Variants in PRKX observed in about 807,000 individuals in gnomAD.
The protein encoded by PRKX is protein kinase cAMP-dependent X-linked catalytic subunit, also known as cAMP-dependent protein kinase catalytic subunit PRKX.
Under a neutral mutation model 22.0 loss-of-function variants are expected in PRKX, and 12 were observed. The observed-to-expected ratio is 0.54, with a 90% CI of 0.35 to 0.88. The LOEUF (loss-of-function observed/expected upper bound fraction) is 0.88, where lower values mean the gene tolerates loss of function less well. Ranked by LOEUF, PRKX falls within the 40% of genes least tolerant of loss-of-function variation. PRKX has a pLI of 0.01. For synonymous variants in PRKX, 134 were observed against 137.7 expected (o/e 0.97, Z 0.19); for missense variants, 217 against 308.0 (o/e 0.70, Z 2.21).
intron 1 of PRKX, among the ~76,000 whole-genome samples, chrX:3,687,685 T>A (rs1194942597): frequency 2.8e-5 from 3 of 108,060 alleles, no homozygotes; most frequent in Non-Finnish European, 5.8e-5. Flanking sequence ...TCCCAGGGGC[T>A]AAAAAAAAAC....
At chrX:3,692,143 G>C (rs184747659) in intron 1 of PRKX, among the ~76,000 whole-genome samples, 1 of 107,777 alleles carries the variant, frequency 9.3e-6, no homozygotes, top group African/African-American at 3.4e-5. Flanking sequence ...GAGAGAGAGA[G>C]AGACAGAAAG....
intron 5 of PRKX, among the ~76,000 whole-genome samples, chrX:3,624,349 A>G (rs1926618494): frequency 9.0e-6 from 1 of 111,213 alleles, no homozygotes; most frequent in South Asian, 3.8e-4. Flanking sequence ...CTGGGTATGT[A>G]AAGAAACAGG....
At chrX:3,677,535 G>T (rs1273115000) in intron 1 of PRKX, among the ~76,000 whole-genome samples, 1 of 107,436 alleles carries the variant, frequency 9.3e-6, no homozygotes, top group African/African-American at 3.4e-5. Context: ...GGTTTGAGAA[G>T]GAAAAAAAAA....
chrX:3,623,922 G>T (rs1369152870), intron 5 of PRKX, among the ~76,000 whole-genome samples: 1 of 112,110 alleles, frequency 8.9e-6, no homozygotes, highest in Non-Finnish European at 1.9e-5. Context: ...TATAAGGAAT[G>T]TCAATCCTGA....
chrX:3,706,870 G>A (rs996392271), intron 1 of PRKX, among the ~76,000 whole-genome samples: 1 of 112,168 alleles, frequency 8.9e-6, no homozygotes, highest in African/African-American at 3.2e-5. Flanking sequence ...TGCACCTGTA[G>A]TCCCAGCTAC....
chrX:3,611,112 T>C (rs41304699), intron 8 of PRKX: 1 of 112,125 alleles, frequency 8.9e-6, no homozygotes, highest in Non-Finnish European at 1.9e-5. Flanking sequence ...CTCGAGGTCA[T>C]AGCCACCTAT....
rs189927862 is a variant in PRKX, at chrX:3,689,848, A to C, written c.167-15082T>G. 5.9e-4 allele frequency among the ~76,000 whole-genome samples: 66 copies of C among 111,220 alleles called. 1 individual carries two copies. The highest frequency in any genetic ancestry group is 1.0e-3 in the Non-Finnish European group (54 of 52,967). ...AAAAATTAGCCGAGTGTGGTGGCGG[A>C]AGCCTGTAGTCCCAGCTACTCAGGA... On this transcript the variant is annotated intron_variant, in intron 1 of 8. Transcript: ENST00000262848.
intron 2 of PRKX, among the ~76,000 whole-genome samples, chrX:3,668,365 C>T (rs12557917): frequency 0.17 from 18,980 of 109,492 alleles, 2,156 homozygotes; most frequent in African/African-American, 0.41. Context: ...AGATTTTTGC[C>T]TTTAAAATTC....
At chrX:3,707,771 C>T (rs767034593) in intron 1 of PRKX, among the ~76,000 whole-genome samples, 9 of 111,832 alleles carry the variant, frequency 8.0e-5, no homozygotes, top group East Asian at 2.8e-4. Context: ...TTGGCATTTG[C>T]GTGATGCACT....
chrX:3,630,853 T>C lies in PRKX; in HGVS notation c.720-4339A>G, dbSNP rs1164003517. ...CCCACCTCCAACACTGGGGATTACA[T>C]TTAAACATGAGATTTGGGTGGGGAC... On this transcript the variant is annotated intron_variant, in intron 4 of 8. Coordinates refer to ENST00000262848, the MANE Select transcript of PRKX (RefSeq NM_005044.5). Among the ~76,000 whole-genome samples, 6 of 111,602 alleles carry C rather than the reference T, an allele frequency of 5.4e-5. No individual in the cohort carries two copies. In the East Asian group the frequency reaches 1.4e-3, roughly 26 times the overall value.
chrX:3,617,647 AAAAAAT>A (rs1238156091), intron 6 of PRKX, among the ~76,000 whole-genome samples: 2 of 110,222 alleles, frequency 1.8e-5, no homozygotes, highest in Admixed American at 9.8e-5. Context: ...TCCTGTCTTG[AAAAAAT>A]AAAAATAAAA....
intron 1 of PRKX, among the ~76,000 whole-genome samples, chrX:3,698,172 T>G (rs1405839007): frequency 9.0e-6 from 1 of 111,601 alleles, no homozygotes; most frequent in Non-Finnish European, 1.9e-5. Context: ...AGCGTTGTCA[T>G]GAAATCAGCC....
At chrX:3,638,778 T>C (rs887602030) in intron 4 of PRKX, among the ~76,000 whole-genome samples, 4 of 109,269 alleles carry the variant, frequency 3.7e-5, no homozygotes, top group Non-Finnish European at 7.6e-5. Flanking sequence ...AGCAGATAGA[T>C]GAATAGGTAG....
chrX:3,700,296 C>A (rs60696723), intron 1 of PRKX, among the ~76,000 whole-genome samples: 2,109 of 111,951 alleles, frequency 0.019, 48 homozygotes, highest in African/African-American at 0.065. Flanking sequence ...CAGAGCAAAA[C>A]GCAATGTAAC....
intron 1 of PRKX, among the ~76,000 whole-genome samples, chrX:3,693,587 CA>C (rs1224786405): frequency 1.8e-5 from 2 of 110,797 alleles, no homozygotes; most frequent in Non-Finnish European, 3.8e-5. Context: ...TGGTGCCCCC[CA>C]AAAATATGTC....
At chrX:3,625,338 C>T (rs145708936) in intron 5 of PRKX, among the ~76,000 whole-genome samples, 1,190 of 111,230 alleles carry the variant, frequency 0.011, 13 homozygotes, top group African/African-American at 0.036. Flanking sequence ...CCTGCTCCAT[C>T]GCCCTGAAAT....
At chrX:3,642,844 C>A (rs1423926026) in intron 3 of PRKX, among the ~76,000 whole-genome samples, 1 of 106,875 alleles carries the variant, frequency 9.4e-6, no homozygotes, top group Non-Finnish European at 1.9e-5. Context: ...ACTAAAAATA[C>A]AAAATTAGCC....
rs778292096 is a variant in PRKX, at chrX:3,606,964, T to G, written c.*2005A>C. 8.9e-6 allele frequency: 1 copy of G among 111,992 alleles called. No homozygotes were observed. Among genetic ancestry groups the G allele is most frequent in the Non-Finnish European group, 1.9e-5 (1 of 53,277 alleles). The allele number at this position is 111,992 out of a possible 1,213,427, so 9.2% of individuals were successfully genotyped here. ...CACCAATGTGCTTGCATATTTCATT[T>G]TCCTGCATATCAGTTCACAATTAAG... On this transcript the variant is annotated 3_prime_UTR_variant, in exon 9 of 9. Coordinates refer to ENST00000262848, the MANE Select transcript of PRKX (RefSeq NM_005044.5).
chrX:3,666,149 T>A (rs112216498), intron 2 of PRKX, among the ~76,000 whole-genome samples: 1,806 of 82,944 alleles, frequency 0.022, 62 homozygotes, highest in African/African-American at 0.074. Context: ...TAGTGAACTG[T>A]ACATTTTTTT....
Sources: allele counts gnomAD v4.1 joint callset (sites outside exome capture counted in the v4.1 genomes callset), GRCh38; gene constraint gnomAD v4.1.1; transcripts MANE v1.5; gene names NCBI Gene and HGNC (gene_info 2026-07-23, HGNC 2026-07-21).